The following NCKAP5L variants were observed in gnomAD, a reference collection of about 807,000 sequenced individuals.
NCKAP5L encodes the protein NCK associated protein 5 like, also known as nck-associated protein 5-like.
In NCKAP5L, 54 loss-of-function variants were observed where a neutral mutation model predicts 103.2. The observed-to-expected ratio is 0.52, with a 90% CI of 0.42 to 0.66. The LOEUF (loss-of-function observed/expected upper bound fraction) is 0.66, where lower values mean the gene tolerates loss of function less well. Ranked by LOEUF, NCKAP5L falls within the 30% of genes least tolerant of loss-of-function variation. The probability of loss-of-function intolerance (pLI) is 0.00; values close to 1 mark genes in which losing one functional copy is unlikely to be tolerated. For synonymous variants in NCKAP5L, 762 were observed against 748.6 expected, an observed-to-expected ratio of 1.02 and a Z score of -0.29; for missense variants, 1,733 against 1,750.6, an observed-to-expected ratio of 0.99 and a Z score of 0.18.
intron 1 of NCKAP5L, among the ~76,000 whole-genome samples, chr12:49,827,824 C>T (rs900747767): frequency 1.3e-5 from 2 of 152,220 alleles, no homozygotes; most frequent in Admixed American, 1.3e-4. Context: ...CGCCCCAGGC[C>T]ACGGGGAATG....
In NCKAP5L at chr12:49,795,978, A is replaced by G; in HGVS notation, c.1882T>C (p.Ser628Pro). 6.5e-7 allele frequency: 1 copy of G among 1,536,838 alleles called. No individual in the cohort carries two copies. The highest frequency in any genetic ancestry group is 8.7e-7 in the Non-Finnish European group (1 of 1,148,192). Residue 628 changes from serine to proline, a missense_variant, in exon 8 of 13, where the codon TCG becomes CCG. Transcript: ENST00000335999. ...PQEKSLDKAG[S>P]ESPHPGRRTP... Reference sequence around the variant, plus strand: ...CTGCGGCCGGGATGGGGAGACTCCGAGCCTGCCTTGTCCAAACTCTTCTCT... The same window carrying G: ...CTGCGGCCGGGATGGGGAGACTCCGGGCCTGCCTTGTCCAAACTCTTCTCT...
chr12:49,795,611 C>T lies in NCKAP5L; in HGVS notation c.2249G>A (p.Arg750Gln), dbSNP rs765377813. 1.1e-5 allele frequency: 18 copies of T among 1,596,046 alleles called. No individual in the cohort carries two copies. The Admixed American group carries it at 1.9e-4, about 17-fold the overall frequency. ...CCCCATGGAGTGAGAGGAGTAGACTCGGGCCCCGGGATCCCCCATAAGTCC... is the reference window on the plus strand; with the variant it reads ...CCCCATGGAGTGAGAGGAGTAGACTTGGGCCCCGGGATCCCCCATAAGTCC... ...EPGLMGDPGARVYSSHSMGAR... is the reference protein window; with the variant it reads ...EPGLMGDPGAQVYSSHSMGAR... The change falls in exon 8 of 13, where the codon CGA (arginine) becomes CAA (glutamine). Residue 750 changes from arginine to glutamine, a missense_variant. Coordinates refer to ENST00000335999, the MANE Select transcript of NCKAP5L (RefSeq NM_001037806.4).
chr12:49,797,532 T>A lies in NCKAP5L; in HGVS notation c.466-138A>T. 1.5e-6 allele frequency: 1 copy of A among 651,140 alleles called. No individual in the cohort carries two copies. Among genetic ancestry groups the A allele is most frequent in the Non-Finnish European group, 2.6e-6 (1 of 381,920 alleles). The allele number at this position is 651,140 out of a possible 1,614,324, so 40.3% of individuals were successfully genotyped here. ...TTGTGTCTGTGTCCCCAAAAGGAATTAACAGCAACTGGGATATGATGGTTC... is the reference window on the plus strand; with the variant it reads ...TTGTGTCTGTGTCCCCAAAAGGAATAAACAGCAACTGGGATATGATGGTTC... On this transcript the variant is annotated intron_variant, in intron 7 of 12. Coordinates refer to ENST00000335999, the MANE Select transcript of NCKAP5L (RefSeq NM_001037806.4). The surrounding 1 kb of genome is among the most constrained non-coding windows in gnomAD (Gnocchi z 4.5).
intron 6 of NCKAP5L, among the ~76,000 whole-genome samples, chr12:49,801,105 G>A (rs1032245181): frequency 1.6e-4 from 24 of 152,334 alleles, no homozygotes; most frequent in Middle Eastern, 6.8e-3. Context: ...CCTGCTCAGG[G>A]GCTGGGGGCC....
intron 4 of NCKAP5L, 45 bp from the exon 5 acceptor site, chr12:49,803,041 C>T: frequency 6.2e-7 from 1 of 1,614,256 alleles, no homozygotes; most frequent in Non-Finnish European, 8.5e-7. Flanking sequence ...CTGACCCCAG[C>T]TTCTGCCAGG....
chr12:49,808,678 G>A (rs933114330), intron 1 of NCKAP5L, among the ~76,000 whole-genome samples: 13 of 152,218 alleles, frequency 8.5e-5, no homozygotes, highest in African/African-American at 2.4e-4. Context: ...AGGCTTCGCA[G>A]TGGTGGTCCC....
chr12:49,801,674 G>A (rs1221768883), intron 6 of NCKAP5L, among the ~76,000 whole-genome samples, 174 bp downstream of exon 6: 1 of 152,206 alleles, frequency 6.6e-6, no homozygotes. Context: ...GGAGCACTGG[G>A]AGGAGGGAAC....
intron 1 of NCKAP5L, among the ~76,000 whole-genome samples, chr12:49,809,075 C>A (rs1393058392): frequency 6.6e-6 from 1 of 151,990 alleles, no homozygotes; most frequent in Non-Finnish European, 1.5e-5. Context: ...CAGCCAGGGC[C>A]GAGGAAGGAG....
chr12:49,792,952 G>A lies in NCKAP5L; in HGVS notation c.3375C>T (p.Gly1125=), dbSNP rs1314042244. ...CGSLTRTLDS[G]IGTFPPPDHG... is the part of the protein sequence containing the mutation. ...GGTCTGGGGGTGGGAAGGTCCCAAT[G>A]CCACTGTCCAAGGTTCGAGTCAAGG... Residue 1125 remains glycine, a synonymous_variant, in exon 11 of 13, where the codon GGC becomes GGT. Transcript: ENST00000335999. The surrounding 1 kb of genome is among the most constrained non-coding windows in gnomAD (Gnocchi z 4.5). The A allele has an allele frequency of 6.4e-7, 1 of 1,559,852 alleles. No homozygotes were observed. Among genetic ancestry groups the A allele is most frequent in the Non-Finnish European group, 8.6e-7 (1 of 1,160,712 alleles).
intron 1 of NCKAP5L, among the ~76,000 whole-genome samples, chr12:49,816,821 A>T (rs1946303866): frequency 1.3e-5 from 2 of 151,672 alleles, no homozygotes; most frequent in South Asian, 4.2e-4. Flanking sequence ...AAAGTTCTCA[A>T]CCCAATCTTA....
intron 1 of NCKAP5L, among the ~76,000 whole-genome samples, chr12:49,823,362 C>T (rs961702632): frequency 1.3e-5 from 2 of 152,108 alleles, no homozygotes; most frequent in African/African-American, 2.4e-5. Flanking sequence ...GCTCCCCCAT[C>T]AAGCCAGCTG....
chr12:49,801,965 G>A lies in NCKAP5L; in HGVS notation c.234C>T (p.Asp78=), dbSNP rs2137011176. The A allele has an allele frequency of 6.2e-7, 1 of 1,613,746 alleles. No homozygotes were observed. Among genetic ancestry groups the A allele is most frequent in the Non-Finnish European group, 8.5e-7 (1 of 1,179,810 alleles). The part of the protein sequence containing the change: ...HVVQALLNQK[D]LREECIKLKK... ...TCAGCTTGATGCACTCCTCTCGCAG[G>A]TCCTGCCGCCCACCCCGGGAAGTGC... The change falls in exon 6 of 13, where the codon GAC becomes GAT. Residue 78 remains aspartate, a splice_region_variant and synonymous_variant. Transcript: ENST00000335999.
chr12:49,803,221 C>A, intron 3 of NCKAP5L, 56 bp from the exon 4 acceptor site: 1 of 1,573,434 alleles, frequency 6.4e-7, no homozygotes, highest in South Asian at 1.1e-5. Context: ...TTATTCTTCC[C>A]CCAGGGCACA....
At chr12:49,810,957 T>A (rs1196180953) in intron 1 of NCKAP5L, among the ~76,000 whole-genome samples, 1 of 150,672 alleles carries the variant, frequency 6.6e-6, no homozygotes, top group African/African-American at 2.4e-5. Flanking sequence ...CCAGTAGAAC[T>A]TTCTGTAATA....
intron 1 of NCKAP5L, among the ~76,000 whole-genome samples, chr12:49,812,827 T>A (rs1373693618): frequency 6.6e-6 from 1 of 152,206 alleles, no homozygotes; most frequent in Non-Finnish European, 1.5e-5. Context: ...TCCCTTGGCA[T>A]CCCCAGGGGA....
chr12:49,793,068 G>C, intron 10 of NCKAP5L, 82 bp from the exon 11 acceptor site: 1 of 1,163,498 alleles, frequency 8.6e-7, no homozygotes, highest in South Asian at 1.6e-5. Context: ...GCCCAGCCCA[G>C]GCTCCACCCT....
chr12:49,813,841 T>A (rs911555004), intron 1 of NCKAP5L, among the ~76,000 whole-genome samples: 3 of 152,038 alleles, frequency 2.0e-5, no homozygotes, highest in Admixed American at 6.6e-5. Flanking sequence ...ATTTTTTTTT[T>A]AAGAGACAAG....
At chr12:49,819,573 G>A (rs540481342) in intron 1 of NCKAP5L, among the ~76,000 whole-genome samples, 49 of 152,212 alleles carry the variant, frequency 3.2e-4, no homozygotes, top group African/African-American at 1.2e-3. Context: ...AATAAGCCAG[G>A]CCCAGACAAA....
chr12:49,797,106 C>T lies in NCKAP5L; in HGVS notation c.754G>A (p.Gly252Arg), dbSNP rs1422038766. 1.9e-6 allele frequency: 3 copies of T among 1,593,754 alleles called. No homozygotes were observed. In the South Asian group the frequency reaches 3.4e-5, roughly 18 times the overall value. ...AGGCGCTCCCAGTGCAGCAGGCCTC[C>T]CAGGTTGCCAGGGCCTAGCAGCAGG... ...PCLLLGPGNL[G>R]GLLHWERLLG... Residue 252 changes from glycine (G) to arginine (R), a missense_variant, in exon 8 of 13, where the codon GGA becomes AGA. Physicochemically the swap from Gly to Arg is moderately radical, Grantham distance 125. Coordinates refer to ENST00000335999, the MANE Select transcript of NCKAP5L (RefSeq NM_001037806.4). The surrounding 1 kb of genome is among the most constrained non-coding windows in gnomAD (Gnocchi z 4.5).
Sources: gnomAD v4.1 joint callset for allele counts (sites outside exome capture counted in the v4.1 genomes callset) on GRCh38, gnomAD v4.1.1 for gene constraint, Gnocchi (gnomAD v3.1) non-coding constraint, MANE v1.5 for transcripts, NCBI Gene and HGNC (gene_info 2026-07-23, HGNC 2026-07-21) for gene names.